Variants in SKP2 observed in about 807,000 individuals in gnomAD.
The protein encoded by SKP2 is S-phase kinase associated protein 2.
A neutral mutation model predicts 51.8 loss-of-function variants in SKP2; 16 were observed. The ratio of observed to expected loss-of-function variants is 0.31; its 90% CI spans 0.21 to 0.47. The LOEUF (loss-of-function observed/expected upper bound fraction) is 0.47, where lower values mean the gene tolerates loss of function less well. Ranked by LOEUF, SKP2 falls within the 20% of genes least tolerant of loss-of-function variation. The pLI is 1.00. For synonymous variants in SKP2, 176 were observed against 198.6 expected (o/e 0.89, Z 0.96); for missense variants, 377 against 505.3 (o/e 0.75, Z 2.43).
At chr5:36,179,270 A>G (rs547349444) in intron 9 of SKP2, among the ~76,000 whole-genome samples, 5 of 152,318 alleles carry the variant, frequency 3.3e-5, no homozygotes, top group South Asian at 4.1e-4. Flanking sequence ...TCTAATTTCA[A>G]TCATTTTGGC....
At position 36,183,621 on chromosome 5, in the gene SKP2, A is replaced by G. The variant is rs978947640; in HGVS notation, c.*1590A>G. 4 of 1,187,832 alleles carry G rather than the reference A, an allele frequency of 3.4e-6. No homozygotes were observed. Among genetic ancestry groups the G allele is most frequent in the Non-Finnish European group, 4.2e-6 (4 of 960,496 alleles). The allele number at this position is 1,187,832 out of a possible 1,614,324, so 73.6% of individuals were successfully genotyped here. On this transcript the variant is annotated 3_prime_UTR_variant, in exon 10 of 10. Coordinates refer to ENST00000274255, the MANE Select transcript of SKP2 (RefSeq NM_005983.4). ...TAGTTTAAATTGATGACTTGTTCGT[A>G]TGTTCAAAATGTAACAACAAAAAAA...
chr5:36,169,304 G>A (rs1312002578), intron 5 of SKP2, among the ~76,000 whole-genome samples: 2 of 152,114 alleles, frequency 1.3e-5, no homozygotes, highest in South Asian at 4.1e-4. Flanking sequence ...AATTAGCTGG[G>A]TGTGGTGGCA....
chr5:36,173,660 A>C (rs1745543666), intron 7 of SKP2, among the ~76,000 whole-genome samples: 1 of 152,154 alleles, frequency 6.6e-6, no homozygotes, highest in Admixed American at 6.5e-5. Flanking sequence ...AAGAACAGAG[A>C]GCCTGTTTAC....
rs756801940 is a variant in SKP2, at chr5:36,181,809, C to T, written c.1062-9C>T. 1.2e-6 allele frequency: 2 copies of T among 1,613,234 alleles called. No homozygotes were observed. Among genetic ancestry groups the T allele is most frequent in the Non-Finnish European group, 1.7e-6 (2 of 1,179,486 alleles). On this transcript the variant is annotated splice_polypyrimidine_tract_variant and intron_variant, in intron 9 of 9. Transcript: ENST00000274255. ...CTGCTATTCTGAAAGTCTTTTTCTT[C>T]CTTTCCAGTGAACTTGGAGAAATTC...
intron 7 of SKP2, among the ~76,000 whole-genome samples, chr5:36,173,959 C>T (rs1745553275): frequency 6.6e-6 from 1 of 151,986 alleles, no homozygotes; most frequent in Admixed American, 6.6e-5. Flanking sequence ...GTTTTCTCAG[C>T]AGTAAAATGG....
At chr5:36,179,090 A>G (rs185095510) in intron 9 of SKP2, among the ~76,000 whole-genome samples, 3 of 152,010 alleles carry the variant, frequency 2.0e-5, no homozygotes, top group Non-Finnish European at 4.4e-5. Flanking sequence ...AAGTCAGACC[A>G]CTAGAATAGA....
intron 6 of SKP2, among the ~76,000 whole-genome samples, chr5:36,189,492 C>T (rs1053349351): frequency 3.2e-4 from 49 of 152,308 alleles, no homozygotes; most frequent in Non-Finnish European, 2.8e-4. Context: ...CCACTCCAGA[C>T]GCTGTTTGCC....
rs1745908992 is a variant in SKP2 at position 36,184,242 on chromosome 5, G to A, written c.*2211G>A. 3.4e-6 allele frequency: 1 copy of A among 296,532 alleles called. No homozygotes were observed. Among genetic ancestry groups the A allele is most frequent in the Non-Finnish European group, 6.1e-6 (1 of 162,812 alleles). 18.4% of individuals were successfully genotyped at this position (296,532 alleles called of 1,614,324 possible). A position where few individuals can be genotyped will look rare whatever the true frequency, so the allele number is the denominator to read the frequency against. ...AAAGTTTATAATGCCTTTATAAAAGGGGCTAATACAGTCTTGTTATCTTTT... is the reference window on the plus strand; with the variant it reads ...AAAGTTTATAATGCCTTTATAAAAGAGGCTAATACAGTCTTGTTATCTTTT... On this transcript the variant is annotated 3_prime_UTR_variant, in exon 10 of 10. Coordinates refer to ENST00000274255, the MANE Select transcript of SKP2 (RefSeq NM_005983.4).
At chr5:36,180,190 GGC>G (rs1176328233) in intron 9 of SKP2, 1 of 914,288 alleles carries the variant, frequency 1.1e-6, no homozygotes, top group African/African-American at 1.7e-5. Context: ...CTCACAATTT[GGC>G]TAATTTGGAT....
At chr5:36,167,175 T>G (rs554521289) in intron 4 of SKP2, among the ~76,000 whole-genome samples, 2 of 152,304 alleles carry the variant, frequency 1.3e-5, no homozygotes, top group African/African-American at 4.8e-5. Context: ...CTGATAATTT[T>G]GCAATACTGA....
At chr5:36,189,704 A>T (rs1745988095) in intron 6 of SKP2, among the ~76,000 whole-genome samples, 1 of 152,194 alleles carries the variant, frequency 6.6e-6, no homozygotes. Context: ...CCATTCTCAG[A>T]TCTCAAACTC....
At chr5:36,170,636 T>C (rs1745440632) in intron 6 of SKP2, among the ~76,000 whole-genome samples, 194 bp downstream of exon 6, 1 of 152,244 alleles carries the variant, frequency 6.6e-6, no homozygotes, top group African/African-American at 2.4e-5. Context: ...TTGCAAGTGA[T>C]ACTTGTATAG....
chr5:36,173,173 A>G (rs1272643114), intron 7 of SKP2, among the ~76,000 whole-genome samples: 3 of 152,152 alleles, frequency 2.0e-5, no homozygotes, highest in African/African-American at 7.2e-5. Context: ...TAGATATGCA[A>G]TAATTTATAT....
In SKP2 at chr5:36,181,843, A is replaced by C. The variant is rs1745821043; in HGVS notation, c.1087A>C (p.Lys363Gln). 1 of 1,613,854 alleles carries C rather than the reference A, an allele frequency of 6.2e-7. No homozygotes were observed. The highest frequency in any genetic ancestry group is 1.7e-5 in the Admixed American group (1 of 60,004). The part of the protein sequence containing the change: ...LLELGEIPTL[K>Q]TLQVFGIVPD... ...TGAACTTGGAGAAATTCCCACACTA[A>C]AAACACTACAAGTTTTTGGAATCGT... The change falls in exon 10 of 10, where the codon AAA (lysine) becomes CAA (glutamine). Residue 363 changes from lysine to glutamine, a missense_variant. Lys to Gln is a moderately conservative substitution (Grantham distance 53). This residue lies in a region of SKP2 where 262 missense variants were observed against 389.8 expected (regional missense o/e 0.67). Transcript: ENST00000274255.
chr5:36,162,834 TG>T (rs1286769971), intron 2 of SKP2, among the ~76,000 whole-genome samples: 3 of 152,180 alleles, frequency 2.0e-5, no homozygotes, highest in Non-Finnish European at 4.4e-5. Flanking sequence ...TCAGCCTGGC[TG>T]GGGAGGCCTC....
At position 36,152,968 on chromosome 5, in the gene SKP2, G is replaced by T. The variant is rs762316501; in HGVS notation, c.206G>T (p.Arg69Leu). Residue 69 changes from arginine (R) to leucine (L), a missense_variant, in exon 2 of 10, where the codon CGG becomes CTG. Transcript: ENST00000274255. ...CACCCGGAGAGCCCCCCACGGAAACGGCTGAAGAGCAAAGGGAGTGACAAA... is the reference window on the plus strand; with the variant it reads ...CACCCGGAGAGCCCCCCACGGAAACTGCTGAAGAGCAAAGGGAGTGACAAA... The part of the protein sequence containing the change: ...LGHPESPPRK[R>L]LKSKGSDKDF... 1 of 1,614,150 alleles carries T rather than the reference G, an allele frequency of 6.2e-7. No homozygotes were observed. Among genetic ancestry groups the T allele is most frequent in the Admixed American group, 1.7e-5 (1 of 60,028 alleles).
downstream of SKP2, among the ~76,000 whole-genome samples, chr5:36,188,562 C>T (rs1385840662): frequency 6.6e-6 from 1 of 152,190 alleles, no homozygotes; most frequent in Non-Finnish European, 1.5e-5. Flanking sequence ...TTGGCCCCCA[C>T]TCTCTTCTGG....
Position 36,168,373 on chromosome 5 carries a change from C to G in SKP2, c.597C>G (p.His199Gln), listed in dbSNP as rs780541105. The G allele has an allele frequency of 6.2e-7, 1 of 1,613,982 alleles. No individual in the cohort carries two copies. The highest frequency in any genetic ancestry group is 8.5e-7 in the Non-Finnish European group (1 of 1,179,824). The part of the protein sequence containing the change: ...SNSVIEVSTL[H>Q]GILSQCSKLQ... ...CAGTTATAGAAGTGTCCACCCTCCA[C>G]GGCATACTGTCTCAGTGTTCCAAGT... Residue 199 changes from histidine (H) to glutamine (Q), a missense_variant, in exon 5 of 10, where the codon CAC becomes CAG. His to Gln is a conservative substitution (Grantham distance 24). Around this residue, in one of 2 missense-constraint regions of SKP2, gnomAD observed 262 missense variants for 389.8 expected, o/e 0.67. Transcript: ENST00000274255.
intron 2 of SKP2, among the ~76,000 whole-genome samples, chr5:36,157,764 AG>A (rs1744999948): frequency 6.6e-6 from 1 of 152,244 alleles, no homozygotes; most frequent in Non-Finnish European, 1.5e-5. Context: ...CAATTTTTTA[AG>A]TCAAAAGTTT....
Sources: allele counts gnomAD v4.1 joint callset (sites outside exome capture counted in the v4.1 genomes callset), GRCh38; gene constraint gnomAD v4.1.1; regional missense constraint gnomAD v4.1.1; transcripts MANE v1.5; gene names NCBI Gene and HGNC (gene_info 2026-07-23, HGNC 2026-07-21).